The following TMEM232 variants were observed in gnomAD, a reference collection of about 807,000 sequenced individuals.
TMEM232 encodes transmembrane protein 232.
A neutral mutation model predicts 78.8 loss-of-function variants in TMEM232; 80 were observed. The ratio of observed to expected loss-of-function variants is 1.01; its 90% CI spans 0.85 to 1.22. The LOEUF (loss-of-function observed/expected upper bound fraction) is 1.22, where lower values mean the gene tolerates loss of function less well. Among genes scored for constraint, TMEM232 ranks in the 50% most tolerant of loss-of-function variants. The pLI, the probability that TMEM232 is intolerant of heterozygous loss-of-function variation, is 0.00. For synonymous variants in TMEM232, 297 were observed against 254.3 expected, an observed-to-expected ratio of 1.17 and a Z score of -1.60; for missense variants, 881 against 742.2, an observed-to-expected ratio of 1.19 and a Z score of -2.17.
chr5:110,393,053 T>C (rs1250000456), intron 3 of TMEM232, among the ~76,000 whole-genome samples: 1 of 152,226 alleles, frequency 6.6e-6, no homozygotes, highest in Non-Finnish European at 1.5e-5. Flanking sequence ...TAATTTCAAT[T>C]ATTTTAAATT....
At chr5:110,610,054 A>T (rs913752785) in intron 8 of TMEM232, among the ~76,000 whole-genome samples, 1 of 151,974 alleles carries the variant, frequency 6.6e-6, no homozygotes, top group Non-Finnish European at 1.5e-5. Flanking sequence ...AAGGTAGGAG[A>T]TTGCAAAGAA....
intron 1 of TMEM232, among the ~76,000 whole-genome samples, chr5:110,709,720 G>C (rs1198673942): frequency 6.6e-6 from 1 of 151,828 alleles, no homozygotes; most frequent in Non-Finnish European, 1.5e-5. Context: ...AAAATCTATG[G>C]GATATAATGA....
chr5:110,413,498 T>C (rs193131451), intron 2 of TMEM232, among the ~76,000 whole-genome samples: 3 of 152,320 alleles, frequency 2.0e-5, no homozygotes, highest in African/African-American at 7.2e-5. Context: ...CTTTCATATA[T>C]ACATCTATCT....
rs146885160 is a variant in TMEM232, at chr5:110,609,280, A to G, written c.903-2993T>C. Among the ~76,000 whole-genome samples, 431 of 152,210 alleles carry G rather than the reference A, an allele frequency of 2.8e-3. 7 individuals carry two copies. Among genetic ancestry groups the G allele is most frequent in the African/African-American group, 9.8e-3 (409 of 41,580 alleles). ...CACTAATAATAGCAACTTAAAGGGA[A>G]TTTCCATAAACCATAAAGTTGATAA... is the stretch of plus-strand genomic sequence containing the variant. On this transcript the variant is annotated intron_variant, in intron 8 of 13. Transcript: ENST00000455884.
intron 11 of TMEM232, among the ~76,000 whole-genome samples, chr5:110,545,929 C>T (rs926520176): frequency 5.9e-5 from 9 of 152,080 alleles, no homozygotes; most frequent in Admixed American, 5.2e-4. Flanking sequence ...GCAAGTCTCC[C>T]TGGAAGTATT....
intron 10 of TMEM232, among the ~76,000 whole-genome samples, chr5:110,579,914 A>C (rs760307319): frequency 1.5e-4 from 22 of 151,684 alleles, no homozygotes; most frequent in Non-Finnish European, 2.8e-4. Flanking sequence ...AAGTATCTAT[A>C]AGGGGGTCAC....
intron 1 of TMEM232, among the ~76,000 whole-genome samples, chr5:110,688,616 A>C (rs1203310468): frequency 6.6e-6 from 1 of 152,154 alleles, no homozygotes; most frequent in Non-Finnish European, 1.5e-5. Flanking sequence ...GACAAACCAA[A>C]GGAGGCCATA....
intron 2 of TMEM232, among the ~76,000 whole-genome samples, chr5:110,652,406 A>T (rs915961202): frequency 1.3e-5 from 2 of 152,154 alleles, no homozygotes; most frequent in African/African-American, 2.4e-5. Context: ...GGGAAAACAT[A>T]GTTATGTCAT....
At chr5:110,691,708 T>A in intron 1 of TMEM232, among the ~76,000 whole-genome samples, 1 of 152,188 alleles carries the variant, frequency 6.6e-6, no homozygotes, top group East Asian at 1.9e-4. Context: ...ACTTTCCAGA[T>A]CATAAGAAAC....
chr5:110,709,774 C>G (rs747432498), intron 1 of TMEM232, among the ~76,000 whole-genome samples: 7 of 151,518 alleles, frequency 4.6e-5, no homozygotes, highest in Non-Finnish European at 1.0e-4. Context: ...ATGGCTACAT[C>G]AAAAAAGAAG....
At chr5:110,617,940 T>G (rs182087970) in intron 8 of TMEM232, 10 of 157,084 alleles carry the variant, frequency 6.4e-5, no homozygotes, top group African/African-American at 2.4e-4. Context: ...GGGATGGAGG[T>G]TGCAGTAAGC....
chr5:110,531,533 C>T (rs576528816), intron 11 of TMEM232, among the ~76,000 whole-genome samples: 9 of 152,282 alleles, frequency 5.9e-5, no homozygotes, highest in East Asian at 5.8e-4. Context: ...CAATCTCTTT[C>T]GCCTTTCAAT....
At chr5:110,707,164 G>A (rs573969985) in intron 1 of TMEM232, among the ~76,000 whole-genome samples, 4 of 152,204 alleles carry the variant, frequency 2.6e-5, no homozygotes, top group Admixed American at 1.3e-4. Context: ...TGTGCACACA[G>A]AAAAGCACTA....
rs145698367 is a variant in TMEM232, at chr5:110,541,884, C to G, written c.1456-13049G>C. On this transcript the variant is annotated intron_variant, in intron 11 of 13. Transcript: ENST00000455884. The stretch of plus-strand genomic sequence containing the variant: ...TTTACAAAAGTTTGAAACTCAAAGG[C>G]TCTCCACACCAGGAACTAACCAGCA... 3.5e-4 allele frequency among the ~76,000 whole-genome samples: 53 copies of G among 152,202 alleles called. No individual in the cohort carries two copies. The East Asian group carries it at 8.7e-3, about 25-fold the overall frequency.
intron 12 of TMEM232, among the ~76,000 whole-genome samples, chr5:110,474,143 T>G (rs1762985227): frequency 6.6e-6 from 1 of 151,914 alleles, no homozygotes; most frequent in Non-Finnish European, 1.5e-5. Context: ...GAACGGATTC[T>G]GAATGTTCTC....
chr5:110,664,570 T>C (rs1439885255), intron 2 of TMEM232, among the ~76,000 whole-genome samples: 2 of 152,214 alleles, frequency 1.3e-5, no homozygotes, highest in African/African-American at 4.8e-5. Context: ...ACAATATGTG[T>C]CACAGGCTAC....
At chr5:110,695,043 T>C (rs376731870) in intron 1 of TMEM232, among the ~76,000 whole-genome samples, 113 of 152,216 alleles carry the variant, frequency 7.4e-4, no homozygotes, top group East Asian at 3.1e-3. Flanking sequence ...ATTGAACACA[T>C]AGTTGGAAGT....
In TMEM232 at chr5:110,700,449, G is replaced by A. The variant is rs546397124; in HGVS notation, c.-13+26178C>T. Among the ~76,000 whole-genome samples the A allele has an allele frequency of 2.0e-5, 3 of 152,020 alleles. No individual in the cohort carries two copies. In the East Asian group the frequency reaches 5.8e-4, roughly 29 times the overall value. On this transcript the variant is annotated intron_variant, in intron 1 of 13. Coordinates refer to ENST00000455884, the MANE Select transcript of TMEM232 (RefSeq NM_001039763.4). ...GACCAAAGTTATACAGCCAAAGAAG[G>A]ATAACAAGATCACTAAAATCACGAA...
chr5:110,495,582 C>T (rs1306081784), intron 12 of TMEM232, among the ~76,000 whole-genome samples: 1 of 151,712 alleles, frequency 6.6e-6, no homozygotes, highest in East Asian at 1.9e-4. Context: ...AAACATAAGG[C>T]TTTACAGATA....
Sources: gnomAD v4.1 joint callset for allele counts (sites outside exome capture counted in the v4.1 genomes callset) on GRCh38, gnomAD v4.1.1 for gene constraint, MANE v1.5 for transcripts, NCBI Gene and HGNC (gene_info 2026-07-23, HGNC 2026-07-21) for gene names.